MASP1: variants seen among roughly 807,000 people sequenced by gnomAD.
The protein encoded by MASP1 is mannan-binding lectin serine protease 1.
In MASP1, 59 loss-of-function variants were observed where a neutral mutation model predicts 77.1. That is an observed-to-expected ratio of 0.77 (90% CI 0.62 to 0.95). The LOEUF (loss-of-function observed/expected upper bound fraction) is 0.95, where lower values mean the gene tolerates loss of function less well. MASP1 is among the 40% of genes least tolerant of loss of function. The probability of loss-of-function intolerance (pLI) is 0.00; values close to 1 mark genes in which losing one functional copy is unlikely to be tolerated. For missense variants in MASP1, 885 were observed against 912.9 expected, an observed-to-expected ratio of 0.97 and a Z score of 0.39; for synonymous variants, 362 against 354.5, an observed-to-expected ratio of 1.02 and a Z score of -0.24.
At chr3:187,223,138 T>C in exon 14 of MASP1, 2 of 1,613,980 alleles carry the variant, frequency 1.2e-6, no homozygotes, top group Non-Finnish European at 1.7e-6. Context: ...TCCATCAGGG[T>C]CTCTGGGAAC....
At chr3:187,273,934 G>T (rs1390589411) in intron 2 of MASP1, among the ~76,000 whole-genome samples, 1 of 152,232 alleles carries the variant, frequency 6.6e-6, no homozygotes, top group African/African-American at 2.4e-5. Flanking sequence ...AATCAGCCAG[G>T]CACCTTGGCC....
intron 5 of MASP1, among the ~76,000 whole-genome samples, chr3:187,254,973 T>C (rs974936161): frequency 6.6e-6 from 1 of 152,156 alleles, no homozygotes; most frequent in African/African-American, 2.4e-5. Flanking sequence ...GAGGCTCCCA[T>C]GTGTAGCTTC....
At chr3:187,275,714 C>T (rs541286135) in intron 2 of MASP1, among the ~76,000 whole-genome samples, 1 of 152,148 alleles carries the variant, frequency 6.6e-6, no homozygotes, top group Non-Finnish European at 1.5e-5. Flanking sequence ...TCTGCGGGCT[C>T]TCTGTGTCTG....
At chr3:187,263,474 A>T (rs1292630561) in intron 2 of MASP1, among the ~76,000 whole-genome samples, 8 of 152,074 alleles carry the variant, frequency 5.3e-5, no homozygotes, top group African/African-American at 1.9e-4. Flanking sequence ...GTCTGTGGGG[A>T]TTGTAGGAGG....
intron 5 of MASP1, among the ~76,000 whole-genome samples, chr3:187,254,540 CT>C (rs1714906200): frequency 6.6e-6 from 1 of 152,080 alleles, no homozygotes; most frequent in Non-Finnish European, 1.5e-5. Flanking sequence ...ACAAACGCCA[CT>C]TTGTGTTGAG....
chr3:187,234,475 G>A lies in MASP1; in HGVS notation c.*1209C>T, dbSNP rs759111456. ...ACGGAGAACCAGAGACTCAGACAAA[G>A]AAAATGATTTTTCAAAGGTTATACA... On this transcript the variant is annotated 3_prime_UTR_variant, in exon 11 of 11. Coordinates refer to ENST00000296280, the MANE Select transcript of MASP1 (RefSeq NM_139125.4). 2 of 1,285,890 alleles carry A rather than the reference G, an allele frequency of 1.6e-6. No individual in the cohort carries two copies. Among genetic ancestry groups the A allele is most frequent in the Non-Finnish European group, 2.0e-6 (2 of 987,546 alleles). The allele number at this position is 1,285,890 out of a possible 1,614,324, so 79.7% of individuals were successfully genotyped here.
intron 15 of MASP1, chr3:187,220,370 C>T (rs1425092249): frequency 3.1e-6 from 3 of 982,014 alleles, no homozygotes; most frequent in Non-Finnish European, 4.6e-6. Context: ...GAGGGCATAG[C>T]AGACCGTTGG....
At chr3:187,247,375 G>A (rs758625272) in intron 8 of MASP1, 15 of 1,614,066 alleles carry the variant, frequency 9.3e-6, no homozygotes, top group East Asian at 4.5e-5. Context: ...TCTCCAGATC[G>A]ATTTCATTTT....
chr3:187,229,973 C>A (rs1459957657), downstream of MASP1: 4 of 1,564,130 alleles, frequency 2.6e-6, no homozygotes, highest in Non-Finnish European at 3.5e-6. Flanking sequence ...CTCCCAGCTC[C>A]TCACCCTGTT....
intron 15 of MASP1, among the ~76,000 whole-genome samples, chr3:187,220,869 C>T (rs942337612): frequency 5.3e-5 from 8 of 152,250 alleles, no homozygotes; most frequent in East Asian, 3.9e-4. Flanking sequence ...ATCTTTTCTC[C>T]GATGCATCTT....
chr3:187,220,446 C>A lies in MASP1; in HGVS notation c.1910-185G>T, dbSNP rs73191704. On this transcript the variant is annotated intron_variant, in intron 15 of 15. Coordinates refer to the MASP1 transcript ENST00000337774. ...TCAGAGCTCAAATGATTCTAAAAAG[C>A]CCTGATTCAGACCTCTTTCTTTCTT... Among the ~76,000 whole-genome samples the A allele has an allele frequency of 0.011, 1,665 of 152,086 alleles. 11 individuals are homozygous for A. The highest frequency in any genetic ancestry group is 0.017 in the Middle Eastern group (5 of 294).
Position 187,251,509 on chromosome 3 carries a change from G to A in MASP1, c.1011+125C>T, listed in dbSNP as rs1714589286. 8 of 795,710 alleles carry A rather than the reference G, an allele frequency of 1.0e-5. No homozygotes were observed. The Admixed American group carries it at 1.3e-4, about 12-fold the overall frequency. 49.3% of individuals were successfully genotyped at this position (795,710 alleles called of 1,614,324 possible). A position where few individuals can be genotyped will look rare whatever the true frequency, so the allele number is the denominator to read the frequency against. Reference sequence around the variant, plus strand: ...TTTCTGGAGCATTTGAGAAGTTGATGGGCAGCTAGGAAATTCTGTGCTGGA... The same window carrying A: ...TTTCTGGAGCATTTGAGAAGTTGATAGGCAGCTAGGAAATTCTGTGCTGGA... On this transcript the variant is annotated intron_variant, in intron 7 of 10. Coordinates refer to ENST00000296280, the MANE Select transcript of MASP1 (RefSeq NM_139125.4).
At chr3:187,278,579 C>T (rs921469426) in intron 2 of MASP1, among the ~76,000 whole-genome samples, 52 of 152,354 alleles carry the variant, frequency 3.4e-4, no homozygotes, top group African/African-American at 1.3e-3. Flanking sequence ...GTATTCAAAA[C>T]TCAATGCACT....
intron 2 of MASP1, among the ~76,000 whole-genome samples, chr3:187,267,063 T>C (rs920615414): frequency 6.6e-5 from 10 of 152,232 alleles, no homozygotes; most frequent in Non-Finnish European, 1.2e-4. Flanking sequence ...TCTCCTTTTA[T>C]AGATGAGGAA....
At chr3:187,242,517 C>CAAA (rs971990456) in intron 9 of MASP1, 2 of 152,424 alleles carry the variant, frequency 1.3e-5, no homozygotes, top group Admixed American at 6.6e-5. Context: ...GTCTCAAAAA[C>CAAA]AAAAACAAAA....
chr3:187,281,901 T>C (rs890537696), intron 2 of MASP1, among the ~76,000 whole-genome samples: 1 of 152,194 alleles, frequency 6.6e-6, no homozygotes, highest in Non-Finnish European at 1.5e-5. Flanking sequence ...TTCTCTTCCA[T>C]TTATAGCCAG....
At chr3:187,232,641 A>G (rs1712840314), downstream of MASP1, among the ~76,000 whole-genome samples, 2 of 152,136 alleles carry the variant, frequency 1.3e-5, no homozygotes, top group South Asian at 4.1e-4. Context: ...TCCCTAGGAG[A>G]AGGAGAGTGA....
At chr3:187,267,622 C>T (rs1716148478) in intron 2 of MASP1, among the ~76,000 whole-genome samples, 1 of 152,254 alleles carries the variant, frequency 6.6e-6, no homozygotes, top group Admixed American at 6.5e-5. Context: ...TTTATAACTA[C>T]TGGCTCTGAT....
chr3:187,277,755 G>T (rs900056809), intron 2 of MASP1, among the ~76,000 whole-genome samples: 8 of 152,130 alleles, frequency 5.3e-5, no homozygotes, highest in Non-Finnish European at 1.0e-4. Context: ...GCAATAATCC[G>T]TGCTCTTCCT....
Sources: gnomAD v4.1 joint callset for allele counts (sites outside exome capture counted in the v4.1 genomes callset) on GRCh38, gnomAD v4.1.1 for gene constraint, MANE v1.5 for transcripts, NCBI Gene and HGNC (gene_info 2026-07-23, HGNC 2026-07-21) for gene names.